Variants in ZFHX3 observed in about 807,000 individuals in gnomAD.
ZFHX3 encodes the protein zinc finger homeobox 3.
Under a neutral mutation model 279.1 loss-of-function variants are expected in ZFHX3, and 42 were observed. The ratio of observed to expected loss-of-function variants is 0.15; its 90% CI spans 0.12 to 0.19. The LOEUF is 0.19. Ranked by LOEUF, ZFHX3 falls within the 10% of genes least tolerant of loss-of-function variation. The pLI, the probability that ZFHX3 is intolerant of heterozygous loss-of-function variation, is 1.00. For synonymous variants in ZFHX3, 2,293 were observed against 1,957.8 expected (o/e 1.17, Z -4.52); for missense variants, 4,981 against 4,754.0 (o/e 1.05, Z -1.40).
intron 4 of ZFHX3, among the ~76,000 whole-genome samples, chr16:73,312,747 A>C (rs1209963479): frequency 1.3e-5 from 2 of 152,244 alleles, no homozygotes; most frequent in African/African-American, 4.8e-5. Flanking sequence ...ATACAGGCTC[A>C]GGGAAGTTTA....
intron 8 of ZFHX3, among the ~76,000 whole-genome samples, chr16:73,087,997 T>G (rs1329591687): frequency 1.3e-5 from 2 of 152,034 alleles, no homozygotes; most frequent in East Asian, 3.9e-4. Flanking sequence ...CCTGGCTGAT[T>G]TTGTATTTTT....
Position 72,788,413 on chromosome 16 carries a change from AGCTGTGCAGGGTCTACC to A in ZFHX3, c.9846_9862del (p.Val3283AlafsTer142). The A allele has an allele frequency of 6.2e-7, 1 of 1,614,228 alleles. No homozygotes were observed. Among genetic ancestry groups the A allele is most frequent in the Non-Finnish European group, 8.5e-7 (1 of 1,180,050 alleles). On this transcript the variant is annotated frameshift_variant, in exon 10 of 10. Coordinates refer to ENST00000268489, the MANE Select transcript of ZFHX3 (RefSeq NM_006885.4). LOFTEE classifies it high-confidence loss of function. ...AGTCAACGCGGCCTGCAGGGCCTGC[AGCTGTGCAGGGTCTACC>A]GCATACTCCATGGTGGGCAGCGGGG...
chr16:73,858,603 T>C (rs1025796578), intron 1 of ZFHX3, among the ~76,000 whole-genome samples: 2 of 152,240 alleles, frequency 1.3e-5, no homozygotes, highest in Non-Finnish European at 1.5e-5. Flanking sequence ...GTGTTCACAG[T>C]GTCTTGTAAA....
intron 3 of ZFHX3, among the ~76,000 whole-genome samples, chr16:73,378,936 G>C (rs1043356033): frequency 6.6e-6 from 1 of 151,964 alleles, no homozygotes; most frequent in South Asian, 2.1e-4. Context: ...TTGTCCTTTT[G>C]GGGGCACTTG....
At chr16:73,405,018 T>C (rs572933724) in intron 3 of ZFHX3, among the ~76,000 whole-genome samples, 10 of 152,320 alleles carry the variant, frequency 6.6e-5, no homozygotes, top group African/African-American at 2.2e-4. Context: ...AAATCACTTC[T>C]GGGCATGAAT....
chr16:73,127,712 G>T, intron 7 of ZFHX3: 1 of 995,142 alleles, frequency 1.0e-6, no homozygotes, highest in Admixed American at 3.6e-5. Context: ...CTCAGTAAGG[G>T]CTGTTGAAAC....
At chr16:73,771,699 G>A (rs1250810408) in intron 1 of ZFHX3, among the ~76,000 whole-genome samples, 1 of 151,776 alleles carries the variant, frequency 6.6e-6, no homozygotes, top group Non-Finnish European at 1.5e-5. Context: ...GTAGTGACAG[G>A]ACTTGGCTTC....
In ZFHX3 at chr16:73,432,034, C is replaced by T. The variant is rs149580708; in HGVS notation, c.-1291+23969G>A. Among the ~76,000 whole-genome samples the T allele has an allele frequency of 7.8e-3, 1,190 of 152,200 alleles. 12 individuals carry two copies. Among genetic ancestry groups the T allele is most frequent in the African/African-American group, 0.027 (1,105 of 41,534 alleles). On this transcript the variant is annotated intron_variant, in intron 3 of 17. Transcript: ENST00000641206. The stretch of plus-strand genomic sequence containing the variant: ...TTCAGAACTGCTGAGTTCTGAGTTC[C>T]GAGGTCACCCTGAGCACAGGGGAAA...
intron 3 of ZFHX3, among the ~76,000 whole-genome samples, chr16:73,447,728 A>C (rs1331422515): frequency 6.6e-6 from 1 of 152,170 alleles, no homozygotes; most frequent in African/African-American, 2.4e-5. Context: ...TAAAGCAGGA[A>C]GTTGGTCAAG....
At chr16:73,386,543 C>T (rs2016906292) in intron 3 of ZFHX3, among the ~76,000 whole-genome samples, 1 of 152,072 alleles carries the variant, frequency 6.6e-6, no homozygotes, top group African/African-American at 2.4e-5. Context: ...TTGTTTTAGC[C>T]TCCTGGAGGT....
At chr16:73,439,921 A>AAAAAAAAAAAACAC (rs1335399420) in intron 3 of ZFHX3, among the ~76,000 whole-genome samples, 1 of 148,550 alleles carries the variant, frequency 6.7e-6, no homozygotes, top group Admixed American at 6.7e-5. Context: ...AAAAAAAAAA[A>AAAAAAAAAAAACAC]AAAAAAAAAA....
Position 73,745,884 on chromosome 16 carries a change from G to T in ZFHX3, c.-1607-65644C>A, listed in dbSNP as rs552013137. On this transcript the variant is annotated intron_variant, in intron 1 of 17. Coordinates refer to the ZFHX3 transcript ENST00000641206. The stretch of plus-strand genomic sequence containing the variant: ...TCTTCTCTTCCTCTTAGGTTACCCA[G>T]ATCCAAACCAAAAATTTAGTTGAAA... Among the ~76,000 whole-genome samples the T allele has an allele frequency of 8.6e-5, 13 of 151,368 alleles. No individual in the cohort carries two copies. In the South Asian group the frequency reaches 2.5e-3, roughly 29 times the overall value.
At position 73,442,281 on chromosome 16, in the gene ZFHX3, C is replaced by T. The variant is rs568298597; in HGVS notation, c.-1291+13722G>A. On this transcript the variant is annotated intron_variant, in intron 3 of 17. Transcript: ENST00000641206. Reference sequence around the variant, plus strand: ...AGGGTTGGTCTCTTCTGAGGCCTCTCTCCTTCTTATATAGATGAACCTTTT... The same window carrying T: ...AGGGTTGGTCTCTTCTGAGGCCTCTTTCCTTCTTATATAGATGAACCTTTT... Among the ~76,000 whole-genome samples the T allele has an allele frequency of 1.5e-4, 23 of 152,202 alleles. No homozygotes were observed. The South Asian group carries it at 4.8e-3, about 32-fold the overall frequency.
At chr16:73,006,869 A>C (rs1963723298) in intron 1 of ZFHX3, among the ~76,000 whole-genome samples, 1 of 152,182 alleles carries the variant, frequency 6.6e-6, no homozygotes. Flanking sequence ...ATTACTTATA[A>C]CACCTAATGC....
At chr16:73,743,131 C>T (rs1266449488) in intron 1 of ZFHX3, among the ~76,000 whole-genome samples, 2 of 152,150 alleles carry the variant, frequency 1.3e-5, no homozygotes. Flanking sequence ...TCATATTCTA[C>T]AAATTGAACT....
intron 1 of ZFHX3, among the ~76,000 whole-genome samples, chr16:73,703,865 T>G (rs7200284): frequency 0.83 from 126,779 of 152,092 alleles, 55,092 homozygotes; most frequent in Non-Finnish European, 0.95. Flanking sequence ...CCTGCTGAGT[T>G]TGTTAAAAGT....
intron 1 of ZFHX3, among the ~76,000 whole-genome samples, chr16:73,817,889 G>C (rs1448577895): frequency 2.0e-5 from 3 of 152,196 alleles, no homozygotes; most frequent in Non-Finnish European, 2.9e-5. Context: ...TTGATCATTT[G>C]TACCGAACCC....
chr16:73,429,867 T>C (rs775080605), intron 3 of ZFHX3, among the ~76,000 whole-genome samples: 27 of 152,026 alleles, frequency 1.8e-4, no homozygotes, highest in Non-Finnish European at 3.1e-4. Flanking sequence ...ACTTGTGTAA[T>C]TGATGAGAGC....
At chr16:73,414,372 A>G (rs2017528946) in intron 3 of ZFHX3, among the ~76,000 whole-genome samples, 1 of 152,246 alleles carries the variant, frequency 6.6e-6, no homozygotes, top group African/African-American at 2.4e-5. Context: ...AGCAGTCACT[A>G]AGAGATGTTT....
Sources: gnomAD v4.1 joint callset for allele counts (sites outside exome capture counted in the v4.1 genomes callset) on GRCh38, gnomAD v4.1.1 for gene constraint, MANE v1.5 for transcripts, NCBI Gene and HGNC (gene_info 2026-07-23, HGNC 2026-07-21) for gene names.